CCDC63: variants seen among roughly 807,000 people sequenced by gnomAD.
CCDC63 encodes the protein coiled-coil domain-containing protein 63.
A neutral mutation model predicts 63.6 loss-of-function variants in CCDC63; 54 were observed. The ratio of observed to expected loss-of-function variants is 0.85; its 90% CI spans 0.68 to 1.07. The LOEUF is 1.07. Ranked by LOEUF, CCDC63 falls within the 50% of genes least tolerant of loss-of-function variation. CCDC63 has a pLI of 0.00. For synonymous variants in CCDC63, 253 were observed against 266.1 expected, an observed-to-expected ratio of 0.95 and a Z score of 0.48; for missense variants, 637 against 689.6, an observed-to-expected ratio of 0.92 and a Z score of 0.86.
At chr12:110,876,271 G>A (rs948851542) in intron 5 of CCDC63, among the ~76,000 whole-genome samples, 39 of 151,034 alleles carry the variant, frequency 2.6e-4, no homozygotes, top group African/African-American at 8.6e-4. Context: ...AGTATGCTAC[G>A]GTCCTGGAGC....
chr12:110,883,871 C>G (rs1333141459), intron 7 of CCDC63, among the ~76,000 whole-genome samples, 159 bp from the exon 8 acceptor site: 1 of 152,144 alleles, frequency 6.6e-6, no homozygotes, highest in Non-Finnish European at 1.5e-5. Flanking sequence ...AACTCCTGAC[C>G]TCAGGTGATC....
At chr12:110,876,071 A>T (rs2071125659) in intron 5 of CCDC63, among the ~76,000 whole-genome samples, 1 of 149,250 alleles carries the variant, frequency 6.7e-6, no homozygotes, top group Admixed American at 6.8e-5. Context: ...GTGCCACTGT[A>T]CTCCAGTCTG....
At chr12:110,844,854 G>A (rs1593625008), upstream of CCDC63, among the ~76,000 whole-genome samples, 1 of 152,190 alleles carries the variant, frequency 6.6e-6, no homozygotes, top group African/African-American at 2.4e-5. Flanking sequence ...GAGATAGTTC[G>A]AGTGGGTTTC....
intron 4 of CCDC63, among the ~76,000 whole-genome samples, chr12:110,872,202 TCCTTAGCTCTG>T (rs1391222501): frequency 1.3e-5 from 2 of 152,206 alleles, no homozygotes; most frequent in Non-Finnish European, 2.9e-5. Flanking sequence ...CTGTTGCAAG[TCCTTAGCTCTG>T]CCTTTGTAGC....
chr12:110,905,190 A>G (rs973288190), intron 11 of CCDC63, among the ~76,000 whole-genome samples: 5 of 152,008 alleles, frequency 3.3e-5, no homozygotes, highest in Admixed American at 2.0e-4. Context: ...TCACTCACCT[A>G]TGACCACCCT....
intron 4 of CCDC63, among the ~76,000 whole-genome samples, chr12:110,867,851 C>T (rs555967537): frequency 2.0e-5 from 3 of 150,230 alleles, no homozygotes; most frequent in African/African-American, 4.9e-5. Context: ...CCTCACCTCC[C>T]GGACGGGGTG....
chr12:110,861,772 G>C (rs2136658357), intron 4 of CCDC63, among the ~76,000 whole-genome samples: 1 of 144,796 alleles, frequency 6.9e-6, no homozygotes, highest in East Asian at 2.0e-4. Flanking sequence ...GGATTTCACT[G>C]TGTTGGCCAG....
chr12:110,875,536 G>T (rs74740878), intron 5 of CCDC63, among the ~76,000 whole-genome samples: 2,616 of 151,988 alleles, frequency 0.017, 81 homozygotes, highest in African/African-American at 0.059. Flanking sequence ...TCAGAGGTCT[G>T]CTTTTTTGTT....
At chr12:110,891,807 A>G (rs2071360652) in intron 8 of CCDC63, among the ~76,000 whole-genome samples, 2 of 152,108 alleles carry the variant, frequency 1.3e-5, no homozygotes, top group South Asian at 4.2e-4. Flanking sequence ...CTGACCCCCT[A>G]TCAGTAGACA....
At chr12:110,858,988 G>A (rs142676344) in intron 4 of CCDC63, among the ~76,000 whole-genome samples, 48 of 152,168 alleles carry the variant, frequency 3.2e-4, no homozygotes, top group Non-Finnish European at 5.9e-4. Flanking sequence ...CCATCCCTCC[G>A]CCGTGCTCCC....
At chr12:110,895,819 G>A (rs1452906698) in intron 9 of CCDC63, among the ~76,000 whole-genome samples, 3 of 152,190 alleles carry the variant, frequency 2.0e-5, no homozygotes, top group Non-Finnish European at 2.9e-5. Context: ...GTTATCATGT[G>A]AGCCAGAAAA....
At chr12:110,856,395 C>T (rs1182338047) in intron 3 of CCDC63, among the ~76,000 whole-genome samples, 10 of 151,998 alleles carry the variant, frequency 6.6e-5, no homozygotes, top group Admixed American at 2.0e-4. Flanking sequence ...AAACCTAACT[C>T]TTGTAGAGTA....
chr12:110,883,976 G>A (rs572924996), intron 7 of CCDC63, 54 bp from the exon 8 acceptor site: 483 of 1,367,484 alleles, frequency 3.5e-4, no homozygotes, highest in Non-Finnish European at 4.6e-4. Flanking sequence ...TGCCTGGCAC[G>A]GATCTGAGGA....
chr12:110,884,130 C>A lies in CCDC63; in HGVS notation c.954C>A (p.Asn318Lys). 6.2e-7 allele frequency: 1 copy of A among 1,614,042 alleles called. No homozygotes were observed. Among genetic ancestry groups the A allele is most frequent in the African/African-American group, 1.3e-5 (1 of 74,992 alleles). ...LRLLKLAESG[N>K]LNQLIEDFLA... The stretch of plus-strand genomic sequence containing the variant: ...TGCTGAAGCTGGCTGAGAGTGGGAA[C>A]CTAAACCAGCTCATTGAAGATTTTC... Residue 318 changes from asparagine to lysine, a missense_variant, in exon 8 of 12, where the codon AAC (asparagine) becomes AAA (lysine). By Grantham distance (94) the Asn-to-Lys change is moderately conservative. Coordinates refer to ENST00000308208, the MANE Select transcript of CCDC63 (RefSeq NM_152591.3).
chr12:110,854,262 T>C (rs921066288), intron 3 of CCDC63, among the ~76,000 whole-genome samples: 1 of 150,078 alleles, frequency 6.7e-6, no homozygotes, highest in Non-Finnish European at 1.5e-5. Flanking sequence ...TTTCTTTTTT[T>C]TTTTTTTTTG....
At position 110,904,746 on chromosome 12, in the gene CCDC63, C is replaced by T. The variant is rs769568156; in HGVS notation, c.1501C>T (p.Pro501Ser). Residue 501 changes from proline (P) to serine (S), a missense_variant, in exon 11 of 12, where the codon CCC becomes TCC. Physicochemically the swap from Pro to Ser is moderately conservative, Grantham distance 74. Coordinates refer to ENST00000308208, the MANE Select transcript of CCDC63 (RefSeq NM_152591.3). ...LKPPEPIKVIPPVLGADPFSD... is the reference protein window; with the variant it reads ...LKPPEPIKVISPVLGADPFSD... ...GCCCCCAGAACCCATCAAAGTCATC[C>T]CCCCAGTGCTGGGGGCTGACCCCTT... 8 of 1,613,852 alleles carry T rather than the reference C, an allele frequency of 5.0e-6. No individual in the cohort carries two copies. Among genetic ancestry groups the T allele is most frequent in the Non-Finnish European group, 6.8e-6 (8 of 1,179,970 alleles).
intron 1 of CCDC63, 44 bp from the exon 2 acceptor site, chr12:110,852,815 C>T (rs560916283): frequency 1.5e-6 from 2 of 1,308,128 alleles, no homozygotes; most frequent in South Asian, 2.4e-5. Context: ...GCACCCCCAG[C>T]AGGGGTGGCT....
At chr12:110,899,829 C>A (rs180792305) in intron 10 of CCDC63, among the ~76,000 whole-genome samples, 6 of 151,724 alleles carry the variant, frequency 4.0e-5, no homozygotes, top group Admixed American at 2.6e-4. Context: ...TAAAATTCAA[C>A]ATCCATTCAT....
At position 110,852,890 on chromosome 12, in the gene CCDC63, G is replaced by T. The variant is rs1303895881; in HGVS notation, c.-65G>T. On this transcript the variant is annotated 5_prime_UTR_variant, in exon 2 of 12. The change creates a new upstream start codon in the 5' untranslated region. Transcript: ENST00000308208. ...GCAGAGAGACAGAGAGAGAGAGGAA[G>T]GCTCACTGGCTTTGAGCTCTCTGGG... 6.2e-7 allele frequency: 1 copy of T among 1,613,494 alleles called. No homozygotes were observed. Among genetic ancestry groups the T allele is most frequent in the Non-Finnish European group, 8.5e-7 (1 of 1,179,500 alleles).
Sources: allele counts gnomAD v4.1 joint callset (sites outside exome capture counted in the v4.1 genomes callset), GRCh38; gene constraint gnomAD v4.1.1; transcripts MANE v1.5; gene names NCBI Gene and HGNC (gene_info 2026-07-23, HGNC 2026-07-21).